Variants in CALN1 observed in about 807,000 individuals in gnomAD.
The protein encoded by CALN1 is calcium-binding protein 8.
Under a neutral mutation model 30.6 loss-of-function variants are expected in CALN1, and 17 were observed. That is an observed-to-expected ratio of 0.56 (90% CI 0.38 to 0.83). The LOEUF is 0.83. Ranked by LOEUF, CALN1 falls within the 40% of genes least tolerant of loss-of-function variation. CALN1 has a pLI of 0.00. For missense variants in CALN1, 291 were observed against 354.9 expected, an observed-to-expected ratio of 0.82 and a Z score of 1.45; for synonymous variants, 156 against 131.4, an observed-to-expected ratio of 1.19 and a Z score of -1.28.
At chr7:72,354,889 C>CTT (rs543873177) in intron 2 of CALN1, among the ~76,000 whole-genome samples, 1 of 143,992 alleles carries the variant, frequency 6.9e-6, no homozygotes, top group East Asian at 2.1e-4. Flanking sequence ...GCAAAAATTT[C>CTT]TTTTTTTTTT....
At chr7:71,793,762 G>A (rs1415000830) in intron 6 of CALN1, among the ~76,000 whole-genome samples, 5 of 152,092 alleles carry the variant, frequency 3.3e-5, no homozygotes, top group Admixed American at 1.3e-4. Context: ...TGTAATCCCC[G>A]CTACTCGGGA....
intron 5 of CALN1, among the ~76,000 whole-genome samples, chr7:71,859,009 G>A (rs1322505641): frequency 6.6e-6 from 1 of 152,058 alleles, no homozygotes; most frequent in Non-Finnish European, 1.5e-5. Context: ...CAGAGTAGAA[G>A]GGGTCCTCTG....
chr7:72,332,148 G>A (rs999232411), intron 2 of CALN1, among the ~76,000 whole-genome samples: 3 of 152,126 alleles, frequency 2.0e-5, no homozygotes, highest in African/African-American at 7.2e-5. Context: ...GTCAATGGGA[G>A]ACAGCAACTT....
At position 71,798,069 on chromosome 7, in the gene CALN1, GAGAGAGAGACAGAGAGAGAC is replaced by G. The variant is rs1177597477; in HGVS notation, c.659-10187_659-10168del. Among the ~76,000 whole-genome samples the G allele has an allele frequency of 1.3e-3, 172 of 129,242 alleles. 1 individual carries two copies. The highest frequency in any genetic ancestry group is 5.2e-3 in the African/African-American group (155 of 30,032). 84.8% of individuals were successfully genotyped at this position (129,242 alleles called of 152,430 possible). ...CAGGCAAGAGAGAGAGACAGAGAGAGAGAGAGAGACAGAGAGAGACAGAGAGAGAGACAGAGAGAGACAGA... is the reference window on the plus strand; with the variant it reads ...CAGGCAAGAGAGAGAGACAGAGAGAGAGAGAGAGAGACAGAGAGAGACAGA... On this transcript the variant is annotated intron_variant, in intron 6 of 6. Coordinates refer to ENST00000395275, the MANE Select transcript of CALN1 (RefSeq NM_031468.4).
At chr7:72,072,555 T>A (rs1248258001) in intron 4 of CALN1, among the ~76,000 whole-genome samples, 1 of 152,134 alleles carries the variant, frequency 6.6e-6, no homozygotes, top group African/African-American at 2.4e-5. Flanking sequence ...GACAGTAACT[T>A]GAAGCGATAT....
chr7:72,249,209 G>A (rs986548625), intron 3 of CALN1, among the ~76,000 whole-genome samples: 1 of 152,102 alleles, frequency 6.6e-6, no homozygotes, highest in Admixed American at 6.6e-5. Flanking sequence ...CAGTATCACT[G>A]ATGAAAAAAA....
chr7:72,157,610 A>G (rs1406591478), intron 3 of CALN1, among the ~76,000 whole-genome samples: 3 of 152,176 alleles, frequency 2.0e-5, no homozygotes, highest in Non-Finnish European at 4.4e-5. Context: ...AAAACTGAAG[A>G]AAGTTCCAGA....
intron 3 of CALN1, among the ~76,000 whole-genome samples, chr7:72,241,231 T>C (rs932789078): frequency 6.6e-6 from 1 of 152,356 alleles, no homozygotes; most frequent in African/African-American, 2.4e-5. Context: ...CAGGCATTTA[T>C]TGGTCACTAA....
chr7:72,342,487 C>T (rs1027466870), intron 2 of CALN1, among the ~76,000 whole-genome samples: 11 of 152,096 alleles, frequency 7.2e-5, no homozygotes, highest in Non-Finnish European at 1.3e-4. Context: ...TACCAATTAC[C>T]GGGATGGAGG....
In CALN1 at chr7:71,784,633, C is replaced by T; in HGVS notation, c.*3142G>A. 1 of 393,766 alleles carries T rather than the reference C, an allele frequency of 2.5e-6. No individual in the cohort carries two copies. Among genetic ancestry groups the T allele is most frequent in the Middle Eastern group, 6.4e-4 (1 of 1,560 alleles). 24.4% of individuals were successfully genotyped at this position (393,766 alleles called of 1,614,324 possible). On this transcript the variant is annotated 3_prime_UTR_variant, in exon 7 of 7. Coordinates refer to ENST00000395275, the MANE Select transcript of CALN1 (RefSeq NM_031468.4). ...CCTTCTTGCTCATCACTTGTGCTTT[C>T]CAGGGGGGCGGCGGGGGGTACCTGC...
intron 3 of CALN1, among the ~76,000 whole-genome samples, chr7:72,187,589 T>C (rs1353687923): frequency 6.6e-6 from 1 of 152,128 alleles, no homozygotes; most frequent in Non-Finnish European, 1.5e-5. Context: ...GGTGGAATAG[T>C]TTTATCCCAA....
At chr7:72,285,557 T>A (rs191892112) in intron 2 of CALN1, among the ~76,000 whole-genome samples, 1 of 152,284 alleles carries the variant, frequency 6.6e-6, no homozygotes, top group East Asian at 1.9e-4. Flanking sequence ...CTGTACTTTT[T>A]TAAAGTATCA....
chr7:71,948,748 T>G (rs6965647), intron 5 of CALN1, among the ~76,000 whole-genome samples: 103,280 of 142,382 alleles, frequency 0.73, 37,727 homozygotes, highest in African/African-American at 0.77. Context: ...AAAAAAATAA[T>G]AATTTGTTTT....
rs552586112 is a variant in CALN1, at chr7:72,280,004, C to T, written c.120-1194G>A. The stretch of plus-strand genomic sequence containing the variant: ...AACCCCTGAAAATTAAAAGGTTTAA[C>T]CAGGAGCACAAAGCCAGTTAGTGAC... On this transcript the variant is annotated intron_variant, in intron 2 of 6. Transcript: ENST00000395275. 4.6e-5 allele frequency among the ~76,000 whole-genome samples: 7 copies of T among 152,280 alleles called. No individual in the cohort carries two copies. The South Asian group carries it at 1.2e-3, about 27-fold the overall frequency.
intron 5 of CALN1, among the ~76,000 whole-genome samples, chr7:71,847,043 G>T (rs1371070388): frequency 6.6e-6 from 1 of 151,206 alleles, no homozygotes; most frequent in African/African-American, 2.4e-5. Context: ...AAGATCTGCA[G>T]GGTAAGGTGG....
At chr7:72,294,106 G>C (rs112575602) in intron 2 of CALN1, among the ~76,000 whole-genome samples, 1 of 151,814 alleles carries the variant, frequency 6.6e-6, no homozygotes, top group Non-Finnish European at 1.5e-5. Flanking sequence ...AAAACAAAAT[G>C]AGATTCAGTT....
At chr7:72,192,229 G>A (rs1790661506) in intron 3 of CALN1, among the ~76,000 whole-genome samples, 2 of 152,130 alleles carry the variant, frequency 1.3e-5, no homozygotes, top group Admixed American at 6.6e-5. Flanking sequence ...CCTGTACAAC[G>A]TGTTACTGGA....
intron 5 of CALN1, among the ~76,000 whole-genome samples, chr7:71,958,700 C>T (rs1057408099): frequency 3.9e-5 from 6 of 152,250 alleles, no homozygotes; most frequent in African/African-American, 9.6e-5. Flanking sequence ...GGACAACTTG[C>T]GTTGCCATCC....
At chr7:72,168,824 A>C (rs1376741394) in intron 3 of CALN1, among the ~76,000 whole-genome samples, 1 of 80,452 alleles carries the variant, frequency 1.2e-5, no homozygotes, top group Admixed American at 1.6e-4. Context: ...TTTTTTTTTG[A>C]GATGGAGTTT....
Sources: gnomAD v4.1 joint callset for allele counts (sites outside exome capture counted in the v4.1 genomes callset) on GRCh38, gnomAD v4.1.1 for gene constraint, MANE v1.5 for transcripts, NCBI Gene and HGNC (gene_info 2026-07-23, HGNC 2026-07-21) for gene names.